Variants in OSBPL10 observed in about 807,000 individuals in gnomAD.
OSBPL10 encodes the protein oxysterol binding protein like 10.
Under a neutral mutation model 81.7 loss-of-function variants are expected in OSBPL10, and 49 were observed. That is an observed-to-expected ratio of 0.60 (90% confidence interval 0.48 to 0.76). The LOEUF is 0.76. Among genes scored for constraint, OSBPL10 ranks in the 30% least tolerant of loss-of-function variants. The pLI is 0.00. For synonymous variants in OSBPL10, 419 were observed against 383.6 expected, an observed-to-expected ratio of 1.09 and a Z score of -1.08; for missense variants, 923 against 987.8, an observed-to-expected ratio of 0.93 and a Z score of 0.88.
At chr3:31,972,651 C>T (rs909616598) in intron 1 of OSBPL10, among the ~76,000 whole-genome samples, 8 of 152,156 alleles carry the variant, frequency 5.3e-5, no homozygotes, top group African/African-American at 1.2e-4. Context: ...TTCCAAAAAA[C>T]GTCCAATCCC....
intron 1 of OSBPL10, among the ~76,000 whole-genome samples, chr3:31,957,899 A>G (rs1698055860): frequency 6.6e-6 from 1 of 152,188 alleles, no homozygotes. Flanking sequence ...TCAGCCTCCC[A>G]AAGTGCTAGG....
At chr3:31,687,980 AG>A (rs1248726043) in intron 7 of OSBPL10, among the ~76,000 whole-genome samples, 1 of 151,946 alleles carries the variant, frequency 6.6e-6, no homozygotes, top group Admixed American at 6.6e-5. Context: ...ATGGGACATG[AG>A]CCCCACCTTT....
intron 1 of OSBPL10, among the ~76,000 whole-genome samples, chr3:32,071,219 T>C (rs995613799): frequency 6.6e-6 from 1 of 152,168 alleles, no homozygotes; most frequent in Non-Finnish European, 1.5e-5. Flanking sequence ...GCCAATTGGG[T>C]CTGACTGATC....
At position 31,697,725 on chromosome 3, in the gene OSBPL10, G is replaced by A. The variant is rs1695768613; in HGVS notation, c.1245+4634C>T. Among the ~76,000 whole-genome samples the A allele has an allele frequency of 2.0e-5, 3 of 151,666 alleles. No individual in the cohort carries two copies. In the South Asian group the frequency reaches 6.3e-4, roughly 32 times the overall value. On this transcript the variant is annotated intron_variant, in intron 7 of 11. Coordinates refer to ENST00000396556, the MANE Select transcript of OSBPL10 (RefSeq NM_017784.5). ...ACATCCAGAATCAGCCACTAGCACT[G>A]TGCCACCAGCACCTCACCTAGGTTA...
At chr3:31,821,249 C>T (rs551195264) in intron 4 of OSBPL10, among the ~76,000 whole-genome samples, 45 of 152,120 alleles carry the variant, frequency 3.0e-4, no homozygotes, top group African/African-American at 1.0e-3. Flanking sequence ...ACCTGAGATG[C>T]CCTTAGTGGA....
At chr3:31,751,732 C>A (rs1461377372) in intron 4 of OSBPL10, among the ~76,000 whole-genome samples, 1 of 152,214 alleles carries the variant, frequency 6.6e-6, no homozygotes, top group Non-Finnish European at 1.5e-5. Flanking sequence ...GATTGGCACA[C>A]AGTAGACACC....
chr3:31,812,288 T>G (rs1699700688), intron 4 of OSBPL10, among the ~76,000 whole-genome samples: 1 of 152,212 alleles, frequency 6.6e-6, no homozygotes, highest in Non-Finnish European at 1.5e-5. Context: ...TGCCTCAGCC[T>G]CCTGAAGTGC....
chr3:31,691,499 CG>C (rs1388092666), intron 7 of OSBPL10, among the ~76,000 whole-genome samples: 1 of 152,088 alleles, frequency 6.6e-6, no homozygotes, highest in Non-Finnish European at 1.5e-5. Flanking sequence ...GTGGGAGGAT[CG>C]CTTCAGCCCT....
intron 1 of OSBPL10, among the ~76,000 whole-genome samples, chr3:31,893,361 A>G (rs1695956710): frequency 1.3e-5 from 2 of 152,316 alleles, no homozygotes; most frequent in African/African-American, 2.4e-5. Flanking sequence ...TAAAACCACA[A>G]TGAGATTCCA....
intron 6 of OSBPL10, among the ~76,000 whole-genome samples, chr3:31,723,711 T>A (rs1472274323): frequency 6.6e-6 from 1 of 152,138 alleles, no homozygotes; most frequent in African/African-American, 2.4e-5. Flanking sequence ...ACAAAAGGGA[T>A]ACAAGAACTC....
intron 1 of OSBPL10, among the ~76,000 whole-genome samples, chr3:31,967,233 G>A (rs1175883123): frequency 6.6e-6 from 1 of 152,090 alleles, no homozygotes; most frequent in African/African-American, 2.4e-5. Context: ...GCCACTCCAG[G>A]TTTTTTGTTT....
At chr3:31,700,550 A>G (rs1412612455) in intron 7 of OSBPL10, 1 of 152,194 alleles carries the variant, frequency 6.6e-6, no homozygotes, top group Non-Finnish European at 1.5e-5. Flanking sequence ...CAAAAGAACT[A>G]GGTTTCATGT....
At chr3:31,832,978 G>A (rs765532416) in intron 3 of OSBPL10, among the ~76,000 whole-genome samples, 1 of 152,210 alleles carries the variant, frequency 6.6e-6, no homozygotes, top group Non-Finnish European at 1.5e-5. Flanking sequence ...GGTTTACCTT[G>A]AAATACCGCA....
At chr3:32,014,804 GACAA>G (rs1350778250) in intron 2 of OSBPL10, among the ~76,000 whole-genome samples, 2 of 152,092 alleles carry the variant, frequency 1.3e-5, no homozygotes, top group Non-Finnish European at 2.9e-5. Context: ...ACCAATAACA[GACAA>G]ACAGAGATCC....
intron 1 of OSBPL10, among the ~76,000 whole-genome samples, chr3:31,959,475 C>T (rs1042068386): frequency 4.6e-5 from 7 of 152,136 alleles, no homozygotes; most frequent in African/African-American, 1.7e-4. Flanking sequence ...TCTGTTAATA[C>T]CCCAGGATCA....
chr3:31,740,708 A>C (rs1575513007), intron 5 of OSBPL10, among the ~76,000 whole-genome samples: 1 of 151,804 alleles, frequency 6.6e-6, no homozygotes, highest in African/African-American at 2.4e-5. Context: ...TCAAGGCTAG[A>C]CTGCACTATG....
intron 3 of OSBPL10, among the ~76,000 whole-genome samples, chr3:31,861,325 A>T (rs1339716762): frequency 1.3e-5 from 2 of 152,184 alleles, no homozygotes; most frequent in Non-Finnish European, 2.9e-5. Flanking sequence ...ATTTGCATAT[A>T]ACCTATGCAT....
chr3:32,077,348 G>A (rs1484715499), intron 1 of OSBPL10: 1 of 152,156 alleles, frequency 6.6e-6, no homozygotes, highest in East Asian at 1.9e-4. Context: ...CAGGGCAGGA[G>A]AGCACTCTCC....
At chr3:31,939,135 T>G (rs1412888895) in intron 1 of OSBPL10, among the ~76,000 whole-genome samples, 1 of 135,482 alleles carries the variant, frequency 7.4e-6, no homozygotes, top group Non-Finnish European at 1.5e-5. Flanking sequence ...GTGCCAAGAC[T>G]CTCTCATCCT....
Sources: gnomAD v4.1 joint callset for allele counts (sites outside exome capture counted in the v4.1 genomes callset) on GRCh38, gnomAD v4.1.1 for gene constraint, MANE v1.5 for transcripts, NCBI Gene and HGNC (gene_info 2026-07-23, HGNC 2026-07-21) for gene names.